CRYBG3: variants seen among roughly 807,000 people sequenced by gnomAD.
CRYBG3 encodes the protein very large A-kinase anchor protein.
A neutral mutation model predicts 244.2 loss-of-function variants in CRYBG3; 127 were observed. The observed-to-expected ratio is 0.52, with a 90% CI of 0.45 to 0.60. The LOEUF is 0.60. CRYBG3 is among the 20% of genes least tolerant of loss of function. The pLI is 0.00. For missense variants in CRYBG3, 3,325 were observed against 3,442.5 expected, an observed-to-expected ratio of 0.97 and a Z score of 0.85; for synonymous variants, 1,132 against 1,195.8, an observed-to-expected ratio of 0.95 and a Z score of 1.10.
chr3:97,920,853 C>T (rs1429256783), intron 17 of CRYBG3, among the ~76,000 whole-genome samples: 1 of 152,108 alleles, frequency 6.6e-6, no homozygotes, highest in Non-Finnish European at 1.5e-5. Flanking sequence ...TAAGCTTTTC[C>T]TCTTATCTCC....
rs184261420 is a variant in CRYBG3 at position 97,902,603 on chromosome 3, C to T, written c.8004+2118C>T. Reference sequence around the variant, plus strand: ...TTGACCAGTCCTCTAAGTTCCTTCCCCTCGCCCCTCACTCCCCAGCAAATC... The same window carrying T: ...TTGACCAGTCCTCTAAGTTCCTTCCTCTCGCCCCTCACTCCCCAGCAAATC... On this transcript the variant is annotated intron_variant, in intron 15 of 21. Coordinates refer to ENST00000389622, the MANE Select transcript of CRYBG3 (RefSeq NM_153605.4). 5.3e-5 allele frequency among the ~76,000 whole-genome samples: 8 copies of T among 152,104 alleles called. No homozygotes were observed. The East Asian group carries it at 1.5e-3, about 29-fold the overall frequency.
rs2039332798 is a variant in CRYBG3 at position 97,873,640 on chromosome 3, G to A, written c.2446G>A (p.Ala816Thr). ...CAAAACTGCTAACATTGTATCAAAA[G>A]CTGAAATTGATGGTCAGAACAATGT... ...EAKTANIVSK[A>T]EIDGQNNVLV... Residue 816 changes from alanine (A) to threonine (T), a missense_variant, in exon 4 of 22, where the codon GCT (alanine) becomes ACT (threonine). Transcript: ENST00000389622. 1.3e-6 allele frequency: 2 copies of A among 1,534,556 alleles called. No homozygotes were observed. Among genetic ancestry groups the A allele is most frequent in the Admixed American group, 2.0e-5 (1 of 50,772 alleles).
Position 97,874,237 on chromosome 3 carries a change from A to C in CRYBG3, c.3043A>C (p.Ser1015Arg). 2.0e-6 allele frequency: 3 copies of C among 1,535,114 alleles called. No homozygotes were observed. Among genetic ancestry groups the C allele is most frequent in the East Asian group, 4.9e-5 (2 of 40,888 alleles). ...VNSPFLDSDS[S>R]LEKNSSASED... ...TTCACCTTTTCTGGATTCTGATTCCAGTTTGGAAAAAAATTCTTCTGCATC... is the reference window on the plus strand; with the variant it reads ...TTCACCTTTTCTGGATTCTGATTCCCGTTTGGAAAAAAATTCTTCTGCATC... Residue 1015 changes from serine (S) to arginine (R), a missense_variant, in exon 4 of 22, where the codon AGT becomes CGT. By Grantham distance (110) the Ser-to-Arg change is moderately radical. This residue lies in a region of CRYBG3 where 1,526 missense variants were observed against 1,443.2 expected (regional missense o/e 1.06). Transcript: ENST00000389622.
chr3:97,850,593 G>A lies in CRYBG3; in HGVS notation c.216+7332G>A, dbSNP rs1471038494. On this transcript the variant is annotated intron_variant, in intron 2 of 21. Transcript: ENST00000389622. ...TTATTGTTTTAAACTATAACCAGCT[G>A]CATTAAGGTAAGGTAGTTGCCTACC... Among the ~76,000 whole-genome samples, 5 of 152,202 alleles carry A rather than the reference G, an allele frequency of 3.3e-5. No individual in the cohort carries two copies. The South Asian group carries it at 6.2e-4, about 19-fold the overall frequency.
intron 4 of CRYBG3, among the ~76,000 whole-genome samples, chr3:97,878,529 T>C (rs2039409958): frequency 6.6e-6 from 1 of 152,212 alleles, no homozygotes; most frequent in African/African-American, 2.4e-5. Context: ...TTAGCTGGAC[T>C]ACTTAGAAAA....
intron 17 of CRYBG3, among the ~76,000 whole-genome samples, chr3:97,928,831 G>T (rs1498651): frequency 0.46 from 69,701 of 151,630 alleles, 16,813 homozygotes; most frequent in East Asian, 0.67. Context: ...AAAAATTTTT[G>T]ATTTTAAAGC....
intron 19 of CRYBG3, 85 bp from the exon 20 acceptor site, chr3:97,941,063 C>A: frequency 8.8e-7 from 1 of 1,134,272 alleles, no homozygotes; most frequent in Non-Finnish European, 1.3e-6. Context: ...TTACCTCTCA[C>A]TTTCCCTCCC....
intron 1 of CRYBG3, among the ~76,000 whole-genome samples, chr3:97,836,697 C>T (rs2038738379): frequency 6.6e-6 from 1 of 152,018 alleles, no homozygotes; most frequent in Non-Finnish European, 1.5e-5. Context: ...AGGATGAAGT[C>T]CTTGCTGTAT....
chr3:97,840,408 A>G lies in CRYBG3; in HGVS notation c.150-2787A>G, dbSNP rs144269853. Among the ~76,000 whole-genome samples the G allele has an allele frequency of 5.9e-5, 9 of 152,280 alleles. 1 individual carries two copies. The highest frequency in any genetic ancestry group is 2.2e-4 in the African/African-American group (9 of 41,576). Reference sequence around the variant, plus strand: ...TAGCAATAAGAATCATGCAACTTAAAGGATGTAAGTGAGAATTTTAAGAAA... The same window carrying G: ...TAGCAATAAGAATCATGCAACTTAAGGGATGTAAGTGAGAATTTTAAGAAA... On this transcript the variant is annotated intron_variant, in intron 1 of 21. Coordinates refer to ENST00000389622, the MANE Select transcript of CRYBG3 (RefSeq NM_153605.4).
In CRYBG3 at chr3:97,897,615, ACT is replaced by A. The variant is rs775459883; in HGVS notation, c.7702-1265_7702-1264del. Among the ~76,000 whole-genome samples, 325 of 151,910 alleles carry A rather than the reference ACT, an allele frequency of 2.1e-3. 2 individuals carry two copies. The highest frequency in any genetic ancestry group is 3.7e-3 in the Non-Finnish European group (250 of 67,966). On this transcript the variant is annotated intron_variant, in intron 12 of 21. Coordinates refer to ENST00000389622, the MANE Select transcript of CRYBG3 (RefSeq NM_153605.4). ...ACTTTATTCTGTTAGTTTGTTAAAA[ACT>A]CTTAATTATATTTAATATTCCATCA...
At chr3:97,865,276 A>G (rs1011654001) in intron 3 of CRYBG3, among the ~76,000 whole-genome samples, 2 of 152,164 alleles carry the variant, frequency 1.3e-5, no homozygotes, top group Admixed American at 6.5e-5. Flanking sequence ...GTGTGACATA[A>G]AAGTATTCAT....
chr3:97,916,185 T>C (rs1007662380), intron 17 of CRYBG3, among the ~76,000 whole-genome samples: 2 of 152,360 alleles, frequency 1.3e-5, no homozygotes, highest in Admixed American at 1.3e-4. Flanking sequence ...GTTATTCTTA[T>C]AGCTGCTTAA....
At chr3:97,824,127 A>C (rs1380440861) in intron 1 of CRYBG3, among the ~76,000 whole-genome samples, 1 of 152,212 alleles carries the variant, frequency 6.6e-6, no homozygotes, top group East Asian at 1.9e-4. Flanking sequence ...AAATGAGCTT[A>C]AATCTTTCAT....
At chr3:97,855,667 A>G (rs2039053298) in intron 2 of CRYBG3, among the ~76,000 whole-genome samples, 1 of 152,148 alleles carries the variant, frequency 6.6e-6, no homozygotes, top group Admixed American at 6.5e-5. Flanking sequence ...AAAGGGACAG[A>G]GTACAAAAGA....
At chr3:97,825,923 C>T (rs1034115283) in intron 1 of CRYBG3, among the ~76,000 whole-genome samples, 15 of 152,148 alleles carry the variant, frequency 9.9e-5, no homozygotes, top group Non-Finnish European at 2.1e-4. Context: ...GGAAAGGAAG[C>T]TTTGTTTTCT....
At chr3:97,895,438 T>A (rs1287928407) in intron 11 of CRYBG3, among the ~76,000 whole-genome samples, 18 of 152,210 alleles carry the variant, frequency 1.2e-4, no homozygotes, top group Non-Finnish European at 5.9e-5. Context: ...TCAGTCGAAT[T>A]TCTTGGTTCC....
chr3:97,827,924 A>G (rs1378979540), intron 1 of CRYBG3, among the ~76,000 whole-genome samples: 1 of 152,172 alleles, frequency 6.6e-6, no homozygotes, highest in Non-Finnish European at 1.5e-5. Context: ...AATGGTTTGG[A>G]ATGGAAATAA....
intron 2 of CRYBG3, 23 bp from the exon 3 acceptor site, chr3:97,864,194 G>A (rs2039191902): frequency 2.1e-6 from 3 of 1,451,910 alleles, no homozygotes; most frequent in Non-Finnish European, 2.7e-6. Context: ...TGATGCTTAT[G>A]ATTGTCTATT....
At chr3:97,937,989 A>T (rs2040183118) in intron 19 of CRYBG3, among the ~76,000 whole-genome samples, 1 of 152,242 alleles carries the variant, frequency 6.6e-6, no homozygotes, top group Admixed American at 6.5e-5. Context: ...TGGTTCAGAG[A>T]AAGGAAGTAT....
Sources: allele counts gnomAD v4.1 joint callset (sites outside exome capture counted in the v4.1 genomes callset), GRCh38; gene constraint gnomAD v4.1.1; regional missense constraint gnomAD v4.1.1; transcripts MANE v1.5; gene names NCBI Gene and HGNC (gene_info 2026-07-23, HGNC 2026-07-21).